TMEM14B: variants seen among roughly 807,000 people sequenced by gnomAD.
TMEM14B encodes transmembrane protein 14B.
TMEM14B carries 9 observed loss-of-function variants against 14.8 expected under a neutral mutation model. The ratio of observed to expected loss-of-function variants is 0.61; its 90% confidence interval spans 0.37 to 1.06. The LOEUF is 1.06. TMEM14B is among the 50% of genes least tolerant of loss of function. The pLI is 0.01. For missense variants in TMEM14B, 128 were observed against 143.6 expected, an observed-to-expected ratio of 0.89 and a Z score of 0.56; for synonymous variants, 40 against 51.3, an observed-to-expected ratio of 0.78 and a Z score of 0.94.
intron 4 of TMEM14B, among the ~76,000 whole-genome samples, chr6:10,753,905 T>C (rs1164233307): frequency 1.3e-5 from 2 of 152,206 alleles, no homozygotes; most frequent in Non-Finnish European, 2.9e-5. Context: ...GGACGTTCCT[T>C]AGCTGGTATC....
downstream of TMEM14B, chr6:10,759,066 GCA>G (rs1561917721): frequency 1.1e-5 from 2 of 178,772 alleles, no homozygotes; most frequent in Non-Finnish European, 2.4e-5. Flanking sequence ...TTTCAGGTGT[GCA>G]CCACCACACC....
At chr6:10,754,402 G>A (rs1374450888) in intron 4 of TMEM14B, among the ~76,000 whole-genome samples, 1 of 152,082 alleles carries the variant, frequency 6.6e-6, no homozygotes, top group Non-Finnish European at 1.5e-5. Flanking sequence ...CCCTTTTAGG[G>A]TGAATGTGCC....
downstream of TMEM14B, chr6:10,759,432 G>A (rs188897555): frequency 6.6e-6 from 1 of 152,222 alleles, no homozygotes; most frequent in Admixed American, 6.5e-5. Flanking sequence ...TATCCTCATG[G>A]AAATCCCCGT....
intron 2 of TMEM14B, 30 bp downstream of exon 2, chr6:10,749,298 G>A (rs1371104011): frequency 1.9e-6 from 3 of 1,613,592 alleles, no homozygotes; most frequent in Admixed American, 3.3e-5. Flanking sequence ...TTAGAGAGTA[G>A]CCAGGAGCTT....
At chr6:10,758,919 T>C (rs1771889090), downstream of TMEM14B, 1 of 160,890 alleles carries the variant, frequency 6.2e-6, no homozygotes, top group Non-Finnish European at 1.3e-5. Context: ...CTTTTTTTTT[T>C]TTTTTTTTTT....
At position 10,755,172 on chromosome 6, in the gene TMEM14B, T is replaced by G. The variant is rs374747253; in HGVS notation, c.233T>G (p.Met78Arg). The change falls in exon 5 of 6, where the codon ATG becomes AGG. Residue 78 changes from methionine to arginine, a missense_variant. Transcript: ENST00000379542. Reference protein sequence around the residue: ...AATSVTFVGVMGMRSYYYGKF... With the variant: ...AATSVTFVGVRGMRSYYYGKF... ...ACATCTGTTACTTTTGTTGGTGTTA[T>G]GGGAATGAGATCCTACTACTATGGA... 6 of 1,614,020 alleles carry G rather than the reference T, an allele frequency of 3.7e-6. No homozygotes were observed. The highest frequency in any genetic ancestry group is 5.1e-6 in the Non-Finnish European group (6 of 1,180,050).
intron 5 of TMEM14B, 78 bp downstream of exon 5, chr6:10,755,310 T>G: frequency 6.2e-7 from 1 of 1,603,198 alleles, no homozygotes; most frequent in Non-Finnish European, 8.5e-7. Context: ...TTCAAAACCT[T>G]ACTTGTTTCA....
chr6:10,751,262 G>A (rs184489994), intron 4 of TMEM14B, 28 bp downstream of exon 4: 3 of 1,611,522 alleles, frequency 1.9e-6, no homozygotes, highest in African/African-American at 2.7e-5. Context: ...TCTCCTTAGG[G>A]CAATCATGTA....
intron 2 of TMEM14B, 151 bp from the exon 3 acceptor site, chr6:10,749,471 A>G: frequency 1.8e-6 from 2 of 1,134,858 alleles, no homozygotes; most frequent in South Asian, 1.4e-5. Flanking sequence ...AAGTCATCCA[A>G]CCTCTGTGGT....
At chr6:10,757,260 T>C (rs1755067559), downstream of TMEM14B, among the ~76,000 whole-genome samples, 1 of 151,758 alleles carries the variant, frequency 6.6e-6, no homozygotes, top group South Asian at 2.1e-4. Context: ...CTCAAACTCT[T>C]GGGTTCAGTC....
At chr6:10,755,420 T>G in intron 5 of TMEM14B, 188 bp downstream of exon 5, 2 of 1,482,540 alleles carry the variant, frequency 1.3e-6, no homozygotes, top group Non-Finnish European at 1.8e-6. Context: ...CATGAGTATA[T>G]CCATTCACTG....
intron 2 of TMEM14B, 59 bp from the exon 3 acceptor site, chr6:10,749,563 G>T: frequency 6.3e-7 from 1 of 1,577,160 alleles, no homozygotes; most frequent in Non-Finnish European, 8.7e-7. Context: ...ATGACAATAT[G>T]GTTTGTTTTT....
rs1362348194 is a variant in TMEM14B, at chr6:10,749,337, G to A, written c.23+69G>A. ...GAAACCAGAGTTCCTTTCCTCAGCT[G>A]AAAAGAACCCTAAGAGTAGACTGCC... On this transcript the variant is annotated intron_variant, in intron 2 of 5. Transcript: ENST00000379542. The A allele has an allele frequency of 2.5e-6, 4 of 1,586,944 alleles. No homozygotes were observed. The Admixed American group carries it at 6.7e-5, about 27-fold the overall frequency.
intron 1 of TMEM14B, among the ~76,000 whole-genome samples, chr6:10,748,192 G>C (rs1321371108): frequency 6.6e-6 from 1 of 152,028 alleles, no homozygotes; most frequent in African/African-American, 2.4e-5. Flanking sequence ...GTTAAGAACT[G>C]TGGGCAAGAT....
Position 10,753,002 on chromosome 6 carries a change from G to T in TMEM14B, c.202+1768G>T, listed in dbSNP as rs561577200. ...TATAATCCCAGCACTTTGGGAGACC[G>T]AGGCAGGCGGCTCACCTGAGGTCGG... On this transcript the variant is annotated intron_variant, in intron 4 of 5. Coordinates refer to ENST00000379542, the MANE Select transcript of TMEM14B (RefSeq NM_030969.5). The T allele has an allele frequency of 2.6e-5, 4 of 152,172 alleles. No individual in the cohort carries two copies. The East Asian group carries it at 7.8e-4, about 30-fold the overall frequency. The allele number at this position is 152,172 out of a possible 1,614,324, so 9.4% of individuals were successfully genotyped here. A position where few individuals can be genotyped will look rare whatever the true frequency, so the allele number is the denominator to read the frequency against.
intron 4 of TMEM14B, among the ~76,000 whole-genome samples, chr6:10,753,128 C>T (rs1367832472): frequency 6.6e-6 from 1 of 151,948 alleles, no homozygotes; most frequent in East Asian, 1.9e-4. Flanking sequence ...CCCAGCCACT[C>T]AGGAGGTTGA....
intron 4 of TMEM14B, among the ~76,000 whole-genome samples, chr6:10,752,145 C>G (rs1416463723): frequency 1.3e-5 from 2 of 152,018 alleles, no homozygotes; most frequent in African/African-American, 2.4e-5. Context: ...TCCAGAATGA[C>G]TTGAGCCTGC....
intron 4 of TMEM14B, among the ~76,000 whole-genome samples, 170 bp from the exon 5 acceptor site, chr6:10,754,972 G>A (rs1333560683): frequency 6.6e-6 from 1 of 152,206 alleles, no homozygotes; most frequent in Non-Finnish European, 1.5e-5. Context: ...GGCCAGTATT[G>A]GTATTTGGAC....
intron 4 of TMEM14B, among the ~76,000 whole-genome samples, chr6:10,754,248 T>A (rs1446019900): frequency 6.6e-6 from 1 of 152,204 alleles, no homozygotes; most frequent in Non-Finnish European, 1.5e-5. Context: ...TGCAACTCTT[T>A]TTATGCATCC....
Sources: gnomAD v4.1 joint callset for allele counts (sites outside exome capture counted in the v4.1 genomes callset) on GRCh38, gnomAD v4.1.1 for gene constraint, MANE v1.5 for transcripts, NCBI Gene and HGNC (gene_info 2026-07-23, HGNC 2026-07-21) for gene names.